The following RAD50 variants were observed in gnomAD, a reference collection of about 807,000 sequenced individuals.
RAD50 encodes RAD50 double strand break repair protein.
Under a neutral mutation model 168.8 loss-of-function variants are expected in RAD50, and 132 were observed. The ratio of observed to expected loss-of-function variants is 0.78; its 90% CI spans 0.68 to 0.90. The LOEUF is 0.90. RAD50 is among the 40% of genes least tolerant of loss of function. The probability of loss-of-function intolerance (pLI) is 0.00; values close to 1 mark genes in which losing one functional copy is unlikely to be tolerated. For synonymous variants in RAD50, 525 were observed against 497.4 expected (o/e 1.06, Z -0.74); for missense variants, 1,347 against 1,534.4 (o/e 0.88, Z 2.04).
At chr5:132,566,869 C>G (rs574784033) in intron 2 of RAD50, among the ~76,000 whole-genome samples, 2 of 152,190 alleles carry the variant, frequency 1.3e-5, no homozygotes, top group Non-Finnish European at 2.9e-5. Context: ...AACTTCTACC[C>G]AGATTGGTAG....
rs587781561 is a variant in RAD50 at position 132,618,162 on chromosome 5, T to C, written c.3257T>C (p.Ile1086Thr). The C allele has an allele frequency of 1.2e-6, 2 of 1,613,890 alleles. No individual in the cohort carries two copies. Among genetic ancestry groups the C allele is most frequent in the Non-Finnish European group, 1.7e-6 (2 of 1,179,896 alleles). ...CAGAAAGGTTATGAAGAAGAAATTA[T>C]TCATTTTAAGAAAGAACTTCGAGAA... ...GRQKGYEEEIIHFKKELREPQ... is the reference protein window; with the variant it reads ...GRQKGYEEEITHFKKELREPQ... The change falls in exon 21 of 25, where the codon ATT becomes ACT. Residue 1086 changes from isoleucine to threonine, a missense_variant. By Grantham distance (89) the Ile-to-Thr change is moderately conservative (BLOSUM62 -1). Transcript: ENST00000378823.
At chr5:132,581,410 G>A (rs943079554) in intron 5 of RAD50, among the ~76,000 whole-genome samples, 9 of 152,232 alleles carry the variant, frequency 5.9e-5, no homozygotes, top group East Asian at 5.8e-4. Flanking sequence ...GTGAGCCACC[G>A]CACCTGGAAA....
chr5:132,585,199 G>C (rs1236119962), intron 5 of RAD50, among the ~76,000 whole-genome samples: 1 of 152,156 alleles, frequency 6.6e-6, no homozygotes. Flanking sequence ...CGGGTTGCTA[G>C]GTCGTGTGGT....
chr5:132,619,150 G>C (rs1166838257), intron 21 of RAD50, among the ~76,000 whole-genome samples: 1 of 152,044 alleles, frequency 6.6e-6, no homozygotes. Flanking sequence ...TGGACATTTG[G>C]GGTTTTTTTC....
At chr5:132,600,761 G>A (rs1390980433) in intron 13 of RAD50, among the ~76,000 whole-genome samples, 1 of 152,074 alleles carries the variant, frequency 6.6e-6, no homozygotes, top group Non-Finnish European at 1.5e-5. Flanking sequence ...AAAAATAGGT[G>A]AATTGAGTTT....
At chr5:132,583,529 T>G (rs1750541665) in intron 5 of RAD50, among the ~76,000 whole-genome samples, 1 of 152,070 alleles carries the variant, frequency 6.6e-6, no homozygotes, top group South Asian at 2.1e-4. Flanking sequence ...GTCCTTGCAG[T>G]CAGTCCTCTC....
At chr5:132,633,098 C>CTTTTTTTTTTTTTT (rs34616055) in intron 21 of RAD50, among the ~76,000 whole-genome samples, 7 of 113,046 alleles carry the variant, frequency 6.2e-5, no homozygotes, top group Non-Finnish European at 8.8e-5. Flanking sequence ...TTCGTTTTTT[C>CTTTTTTTTTTTTTT]TTTTTTTTTT....
chr5:132,577,258 T>G lies in RAD50; in HGVS notation c.365+1330T>G, dbSNP rs373950764. 2.8e-4 allele frequency among the ~76,000 whole-genome samples: 43 copies of G among 152,348 alleles called. No individual in the cohort carries two copies. The East Asian group carries it at 4.4e-3, about 16-fold the overall frequency. ...CAGAGTTCTTCTCATATCAAATCAC[T>G]GTGACCTCTTCTTCTCTCTTCTTCT... On this transcript the variant is annotated intron_variant, in intron 3 of 24. Coordinates refer to ENST00000378823, the MANE Select transcript of RAD50 (RefSeq NM_005732.4).
rs876660104 is a variant in RAD50, at chr5:132,603,470, C to T, written c.2378C>T (p.Thr793Ile). ...GCCAAAGTATGCCTGACAGATGTTACAATTATGGAGAGGTTCCAGGTAAGT... is the reference window on the plus strand; with the variant it reads ...GCCAAAGTATGCCTGACAGATGTTATAATTATGGAGAGGTTCCAGGTAAGT... ...ESAKVCLTDV[T>I]IMERFQMELK... Residue 793 changes from threonine (T) to isoleucine (I), a missense_variant, in exon 14 of 25, where the codon ACA becomes ATA. Transcript: ENST00000378823. 1 of 1,613,786 alleles carries T rather than the reference C, an allele frequency of 6.2e-7. No homozygotes were observed. The highest frequency in any genetic ancestry group is 1.1e-5 in the South Asian group (1 of 91,078).
At chr5:132,583,725 C>T (rs1475609143) in intron 5 of RAD50, among the ~76,000 whole-genome samples, 1 of 131,922 alleles carries the variant, frequency 7.6e-6, no homozygotes, top group African/African-American at 2.9e-5. Context: ...CGGAGTTTCA[C>T]TCTTATTGCC....
At chr5:132,615,975 T>C (rs1751167150) in intron 19 of RAD50, 28 bp from the exon 20 acceptor site, 3 of 1,556,548 alleles carry the variant, frequency 1.9e-6, no homozygotes, top group Non-Finnish European at 2.7e-6. Flanking sequence ...TGGTTATTTT[T>C]GTTAACTAAT....
At chr5:132,589,954 T>A in intron 9 of RAD50, 117 bp downstream of exon 9, 1 of 977,224 alleles carries the variant, frequency 1.0e-6, no homozygotes, top group Non-Finnish European at 1.5e-6. Context: ...TTTGTCTTAT[T>A]CTCATGTAAA....
rs755688295 is a variant in RAD50 at position 132,588,108 on chromosome 5, T to A, written c.1051+19T>A. ...GAACAGGGTAGGACAAAATGTTTAT[T>A]TGGTCGTTTTTCCTACTATGATGTT... On this transcript the variant is annotated intron_variant, in intron 7 of 24. Transcript: ENST00000378823. The A allele has an allele frequency of 6.2e-7, 1 of 1,600,880 alleles. No individual in the cohort carries two copies. The highest frequency in any genetic ancestry group is 1.1e-5 in the South Asian group (1 of 90,596).
At chr5:132,569,906 G>GA (rs1331040765) in intron 2 of RAD50, among the ~76,000 whole-genome samples, 1 of 152,058 alleles carries the variant, frequency 6.6e-6, no homozygotes, top group Non-Finnish European at 1.5e-5. Flanking sequence ...AGGGAAATTA[G>GA]AAAAAATACT....
In RAD50 at chr5:132,557,184, C is replaced by T; in HGVS notation, c.-141C>T. 2 of 1,148,134 alleles carry T rather than the reference C, an allele frequency of 1.7e-6. No homozygotes were observed. The highest frequency in any genetic ancestry group is 4.9e-5 in the East Asian group (2 of 40,756). 71.1% of individuals were successfully genotyped at this position (1,148,134 alleles called of 1,614,324 possible). On this transcript the variant is annotated 5_prime_UTR_variant, in exon 1 of 25. Coordinates refer to ENST00000378823, the MANE Select transcript of RAD50 (RefSeq NM_005732.4). ...GCTGTTGGCTGGCAGGATCTTTTGG[C>T]AGTCCTGTGGCCTCGCTCCCCGCCC...
chr5:132,617,956 A>G, intron 20 of RAD50, 114 bp from the exon 21 acceptor site: 1 of 899,094 alleles, frequency 1.1e-6, no homozygotes, highest in Non-Finnish European at 1.8e-6. Context: ...GTTATAATAT[A>G]CTGATTGCTA....
chr5:132,575,692 G>A, intron 2 of RAD50, 85 bp from the exon 3 acceptor site: 2 of 1,335,462 alleles, frequency 1.5e-6, no homozygotes, highest in Non-Finnish European at 2.1e-6. Flanking sequence ...CCTCATTTTG[G>A]GTAAGATTGC....
At chr5:132,627,910 A>T (rs1315669162) in intron 21 of RAD50, among the ~76,000 whole-genome samples, 1 of 152,170 alleles carries the variant, frequency 6.6e-6, no homozygotes, top group African/African-American at 2.4e-5. Flanking sequence ...AATGGAGAGA[A>T]GTGATAGACT....
In RAD50 at chr5:132,591,423, T is replaced by C; in HGVS notation, c.1635+17T>C. 1 of 1,605,676 alleles carries C rather than the reference T, an allele frequency of 6.2e-7. No individual in the cohort carries two copies. The highest frequency in any genetic ancestry group is 2.2e-5 in the East Asian group (1 of 44,728). On this transcript the variant is annotated intron_variant, in intron 10 of 24. Coordinates refer to ENST00000378823, the MANE Select transcript of RAD50 (RefSeq NM_005732.4). ...AAAGACAAAGTATGATTTTTCTTTT[T>C]GTTCTAATTATACTGTCTGGTACTT...
Sources: allele counts gnomAD v4.1 joint callset (sites outside exome capture counted in the v4.1 genomes callset), GRCh38; gene constraint gnomAD v4.1.1; transcripts MANE v1.5; gene names NCBI Gene and HGNC (gene_info 2026-07-23, HGNC 2026-07-21).